The following UST variants were observed in gnomAD, a reference collection of about 807,000 sequenced individuals.
The protein encoded by UST is uronyl 2-sulfotransferase, also known as chondroitin sulfate 2-O-sulfotransferase.
Under a neutral mutation model 45.6 loss-of-function variants are expected in UST, and 21 were observed. That is an observed-to-expected ratio of 0.46 (90% CI 0.33 to 0.66). UST has a LOEUF of 0.66. Among genes scored for constraint, UST ranks in the 30% least tolerant of loss-of-function variants. The probability of loss-of-function intolerance (pLI) is 0.02; values close to 1 mark genes in which losing one functional copy is unlikely to be tolerated. For synonymous variants in UST, 215 were observed against 200.6 expected, an observed-to-expected ratio of 1.07 and a Z score of -0.61; for missense variants, 463 against 512.4, an observed-to-expected ratio of 0.90 and a Z score of 0.93.
At chr6:148,858,500 T>TC (rs958700343) in intron 1 of UST, among the ~76,000 whole-genome samples, 1 of 151,636 alleles carries the variant, frequency 6.6e-6, no homozygotes, top group Admixed American at 6.6e-5. Context: ...ATCTTTCTTT[T>TC]TTTTTTTTTA....
chr6:148,940,709 C>G (rs1424763412), intron 2 of UST, among the ~76,000 whole-genome samples: 1 of 152,132 alleles, frequency 6.6e-6, no homozygotes, highest in African/African-American at 2.4e-5. Flanking sequence ...TTTATTATAC[C>G]CATCCTCATG....
At chr6:148,779,043 T>A (rs1776587916) in intron 1 of UST, among the ~76,000 whole-genome samples, 1 of 152,056 alleles carries the variant, frequency 6.6e-6, no homozygotes, top group African/African-American at 2.4e-5. Context: ...CCTTACCCGC[T>A]GTGGATGCCG....
At chr6:148,892,904 G>A (rs1253231596) in intron 2 of UST, among the ~76,000 whole-genome samples, 3 of 152,128 alleles carry the variant, frequency 2.0e-5, no homozygotes, top group East Asian at 3.9e-4. Context: ...TTTCTTAAAC[G>A]GTCTGCTGGA....
intron 1 of UST, among the ~76,000 whole-genome samples, chr6:148,812,652 AG>A (rs1777279575): frequency 6.6e-6 from 1 of 152,214 alleles, no homozygotes; most frequent in Non-Finnish European, 1.5e-5. Context: ...GTCTCCCCAT[AG>A]GGGTGCTCAT....
intron 7 of UST, among the ~76,000 whole-genome samples, chr6:149,050,592 A>G (rs560056847): frequency 1.5e-4 from 23 of 152,240 alleles, no homozygotes; most frequent in Non-Finnish European, 2.6e-4. Flanking sequence ...AAACACCAGC[A>G]TTATTGAGGA....
chr6:148,979,393 G>A (rs915492032), intron 5 of UST, among the ~76,000 whole-genome samples: 1 of 152,212 alleles, frequency 6.6e-6, no homozygotes, highest in East Asian at 1.9e-4. Context: ...AATTACGGCA[G>A]CAGATGTAAA....
chr6:149,067,806 A>G (rs1776763796), intron 7 of UST, among the ~76,000 whole-genome samples: 1 of 152,220 alleles, frequency 6.6e-6, no homozygotes, highest in Non-Finnish European at 1.5e-5. Context: ...GGGATTTTAG[A>G]TGCTGGTTAT....
intron 5 of UST, chr6:149,005,511 T>C (rs1201013524): frequency 1.0e-6 from 1 of 985,450 alleles, no homozygotes; most frequent in Non-Finnish European, 1.2e-6. Context: ...TTTAATGAGA[T>C]AGAATTAGTA....
intron 1 of UST, 94 bp from the exon 2 acceptor site, chr6:148,886,892 C>A (rs916650404): frequency 4.8e-6 from 5 of 1,035,918 alleles, no homozygotes; most frequent in African/African-American, 3.2e-5. Flanking sequence ...AGCAGAAATA[C>A]TGTATAACTA....
intron 1 of UST, among the ~76,000 whole-genome samples, chr6:148,805,467 G>A (rs1777130169): frequency 6.6e-6 from 1 of 152,128 alleles, no homozygotes; most frequent in Non-Finnish European, 1.5e-5. Context: ...CTTCTAAAAG[G>A]TATGTAGAAA....
chr6:149,001,177 T>A (rs1196772151), intron 5 of UST, among the ~76,000 whole-genome samples: 1 of 151,490 alleles, frequency 6.6e-6, no homozygotes, highest in Non-Finnish European at 1.5e-5. Flanking sequence ...GTTCATGCCA[T>A]TCTCCTGCGT....
chr6:148,896,922 TA>T (rs1199416164), intron 2 of UST, among the ~76,000 whole-genome samples: 2 of 152,136 alleles, frequency 1.3e-5, no homozygotes, highest in Non-Finnish European at 2.9e-5. Context: ...TTTCTATTTC[TA>T]AAAGAGGATA....
At chr6:148,754,594 A>G (rs1776059989) in intron 1 of UST, among the ~76,000 whole-genome samples, 2 of 152,052 alleles carry the variant, frequency 1.3e-5, no homozygotes, top group Non-Finnish European at 2.9e-5. Flanking sequence ...TCAGTTGCCT[A>G]TTTTTGAATT....
Position 148,964,242 on chromosome 6 carries a change from T to C in UST, c.528-168T>C, listed in dbSNP as rs546458338. Among the ~76,000 whole-genome samples the C allele has an allele frequency of 1.2e-4, 18 of 152,316 alleles. No individual in the cohort carries two copies. In the South Asian group the frequency reaches 3.7e-3, roughly 32 times the overall value. Reference sequence around the variant, plus strand: ...ATCCTCCCCACTTCCTGCATGATAATAAAATGCTTATCAGGAAACACCGTT... The same window carrying C: ...ATCCTCCCCACTTCCTGCATGATAACAAAATGCTTATCAGGAAACACCGTT... On this transcript the variant is annotated intron_variant, in intron 4 of 7. Transcript: ENST00000367463.
chr6:149,057,966 C>T (rs921673757), intron 7 of UST, among the ~76,000 whole-genome samples: 1 of 152,144 alleles, frequency 6.6e-6, no homozygotes, highest in African/African-American at 2.4e-5. Flanking sequence ...TAAGTATATA[C>T]ATATATCTGC....
rs1157302681 is a variant in UST at position 149,075,598 on chromosome 6, T to G, written c.*1482T>G. ...CCCCTCCCCTGCCACCTATCAATGATGCCTTGGTTCAGTCATTAGAAATCT... is the reference window on the plus strand; with the variant it reads ...CCCCTCCCCTGCCACCTATCAATGAGGCCTTGGTTCAGTCATTAGAAATCT... On this transcript the variant is annotated 3_prime_UTR_variant, in exon 8 of 8. Transcript: ENST00000367463. The G allele has an allele frequency of 2.0e-5, 3 of 152,204 alleles. No individual in the cohort carries two copies. Among genetic ancestry groups the G allele is most frequent in the Admixed American group, 6.5e-5 (1 of 15,268 alleles). The allele number at this position is 152,204 out of a possible 1,614,324, so 9.4% of individuals were successfully genotyped here. A position where few individuals can be genotyped will look rare whatever the true frequency, so the allele number is the denominator to read the frequency against.
At chr6:148,836,618 A>G (rs1208462525) in intron 1 of UST, among the ~76,000 whole-genome samples, 1 of 152,210 alleles carries the variant, frequency 6.6e-6, no homozygotes, top group Non-Finnish European at 1.5e-5. Flanking sequence ...GAAGGAAATT[A>G]GAGATTTTTG....
chr6:148,852,674 A>T (rs1355881539), intron 1 of UST, among the ~76,000 whole-genome samples: 1 of 152,168 alleles, frequency 6.6e-6, no homozygotes. Context: ...CTCTCTTGCC[A>T]ATCCCCACCT....
intron 7 of UST, among the ~76,000 whole-genome samples, chr6:149,021,684 A>G (rs1224900088): frequency 6.6e-6 from 1 of 152,244 alleles, no homozygotes; most frequent in Non-Finnish European, 1.5e-5. Flanking sequence ...ACATAAAAGC[A>G]CCATGTTCCA....
Sources: gnomAD v4.1 joint callset for allele counts (sites outside exome capture counted in the v4.1 genomes callset) on GRCh38, gnomAD v4.1.1 for gene constraint, MANE v1.5 for transcripts, NCBI Gene and HGNC (gene_info 2026-07-23, HGNC 2026-07-21) for gene names.